The following EP300 variants were observed in gnomAD, a reference collection of about 807,000 sequenced individuals.
EP300 encodes the protein histone acetyltransferase p300.
EP300 carries 31 observed loss-of-function variants against 264.0 expected under a neutral mutation model. The observed-to-expected ratio is 0.12, with a 90% CI of 0.09 to 0.16. The LOEUF (loss-of-function observed/expected upper bound fraction) is 0.16. Among genes scored for constraint, EP300 ranks in the 10% least tolerant of loss-of-function variants. EP300 has a pLI of 1.00. For synonymous variants in EP300, 1,340 were observed against 1,045.4 expected (o/e 1.28, Z -5.44); for missense variants, 2,766 against 3,052.9 (o/e 0.91, Z 2.21).
Position 41,092,593 on chromosome 22 carries a change from A to G in EP300, c.-412A>G. The G allele has an allele frequency of 3.6e-6, 2 of 551,788 alleles. No homozygotes were observed. Among genetic ancestry groups the G allele is most frequent in the Non-Finnish European group, 6.6e-6 (2 of 301,766 alleles). The allele number at this position is 551,788 out of a possible 1,614,324, so 34.2% of individuals were successfully genotyped here. A position where few individuals can be genotyped will look rare whatever the true frequency, so the allele number is the denominator to read the frequency against. ...TCGCCCCCGCCTCCTTGTGGCGATG[A>G]GAAGGAGGAGGACAGCGCCGAGGAG... On this transcript the variant is annotated 5_prime_UTR_variant, in exon 1 of 31. Transcript: ENST00000263253.
chr22:41,137,416 A>AATGAAG (rs1176149182), intron 7 of EP300, among the ~76,000 whole-genome samples: 1 of 151,722 alleles, frequency 6.6e-6, no homozygotes, highest in African/African-American at 2.4e-5. Flanking sequence ...GTCTTATGAT[A>AATGAAG]TCTTGTGTTA....
At chr22:41,133,342 A>T (rs1381267812) in intron 6 of EP300, among the ~76,000 whole-genome samples, 1 of 151,770 alleles carries the variant, frequency 6.6e-6, no homozygotes, top group African/African-American at 2.4e-5. Context: ...TTTGGAACGA[A>T]GTTTTGCCAT....
chr22:41,178,092 T>A lies in EP300; in HGVS notation c.6381T>A (p.Asn2127Lys). ...CAGGTCAGCAGGGGGTCCACTCCAA[T>A]CCAGCCATGCAGAACATGAATCCAA... ...TMPGQQGVHS[N>K]PAMQNMNPMQ... Residue 2127 changes from asparagine to lysine, a missense_variant, in exon 31 of 31, where the codon AAT (asparagine) becomes AAA (lysine). By Grantham distance (94) the Asn-to-Lys change is moderately conservative. Coordinates refer to ENST00000263253, the MANE Select transcript of EP300 (RefSeq NM_001429.4). 1 of 1,613,778 alleles carries A rather than the reference T, an allele frequency of 6.2e-7. No homozygotes were observed. Among genetic ancestry groups the A allele is most frequent in the Non-Finnish European group, 8.5e-7 (1 of 1,179,914 alleles).
intron 7 of EP300, among the ~76,000 whole-genome samples, chr22:41,136,414 G>T (rs1257540683): frequency 6.6e-6 from 1 of 152,194 alleles, no homozygotes; most frequent in South Asian, 2.1e-4. Flanking sequence ...ATGTTGCAAG[G>T]TTACAGCTCC....
At position 41,150,408 on chromosome 22, in the gene EP300, C is replaced by G. The variant is rs142133368; in HGVS notation, c.2817+210C>G. Reference sequence around the variant, plus strand: ...GCAGGAGCATAAAGATTTTATTTAGCTCTGACTTTGACCATTATGTTTCAT... The same window carrying G: ...GCAGGAGCATAAAGATTTTATTTAGGTCTGACTTTGACCATTATGTTTCAT... On this transcript the variant is annotated intron_variant, in intron 14 of 30. Coordinates refer to ENST00000263253, the MANE Select transcript of EP300 (RefSeq NM_001429.4). Among the ~76,000 whole-genome samples, 19 of 152,242 alleles carry G rather than the reference C, an allele frequency of 1.2e-4. No homozygotes were observed. In the East Asian group the frequency reaches 3.5e-3, roughly 28 times the overall value.
In EP300 at chr22:41,129,998, A is replaced by G; in HGVS notation, c.1277A>G (p.Gln426Arg). Residue 426 changes from glutamine (Q) to arginine (R), a missense_variant, in exon 5 of 31, where the codon CAA becomes CGA. Gln to Arg is a conservative substitution (Grantham distance 43, BLOSUM62 1). Transcript: ENST00000263253. ...PLKNAGDKRN[Q>R]QPILTGAPVG... ...AAAAATGCTGGTGATAAGAGAAATC[A>G]ACAGCGTAAGTGATGAAATCTTTTG... 2 of 1,610,412 alleles carry G rather than the reference A, an allele frequency of 1.2e-6. No homozygotes were observed. The highest frequency in any genetic ancestry group is 4.5e-5 in the East Asian group (2 of 44,852).
chr22:41,106,873 G>T (rs532260265), intron 1 of EP300, among the ~76,000 whole-genome samples: 47 of 152,240 alleles, frequency 3.1e-4, no homozygotes, highest in African/African-American at 1.1e-3. Flanking sequence ...GATTACAGTT[G>T]TGAGCCACCT....
intron 13 of EP300, 148 bp from the exon 14 acceptor site, chr22:41,149,613 T>TA: frequency 1.2e-6 from 1 of 864,000 alleles, no homozygotes; most frequent in Non-Finnish European, 1.9e-6. Flanking sequence ...ACATGCCCAG[T>TA]AATAGGGTAT....
intron 1 of EP300, among the ~76,000 whole-genome samples, chr22:41,110,282 ATTTTTTTTTTTTTTTT>A (rs71200660): frequency 5.2e-4 from 25 of 48,224 alleles, no homozygotes; most frequent in African/African-American, 9.9e-4. Context: ...TATCCAGCTA[ATTTTTTTTTTTTTTTT>A]TTTTTTTTTT....
At chr22:41,155,470 G>A (rs2059071877) in intron 17 of EP300, among the ~76,000 whole-genome samples, 1 of 152,174 alleles carries the variant, frequency 6.6e-6, no homozygotes, top group Non-Finnish European at 1.5e-5. Flanking sequence ...CTGGACTCAA[G>A]CAATAGGCCC....
intron 1 of EP300, among the ~76,000 whole-genome samples, chr22:41,102,610 T>G (rs2058737664): frequency 6.6e-6 from 1 of 152,052 alleles, no homozygotes; most frequent in Non-Finnish European, 1.5e-5. Flanking sequence ...CTTTAGGCAG[T>G]TAAGTAAAAG....
chr22:41,103,702 T>C (rs1281781445), intron 1 of EP300, among the ~76,000 whole-genome samples: 6 of 152,180 alleles, frequency 3.9e-5, no homozygotes, highest in Admixed American at 2.6e-4. Context: ...TGGGAAAGGA[T>C]GTTGGGGTTC....
intron 26 of EP300, among the ~76,000 whole-genome samples, chr22:41,169,844 T>C (rs1311848746): frequency 6.6e-6 from 1 of 152,246 alleles, no homozygotes; most frequent in Non-Finnish European, 1.5e-5. Flanking sequence ...GTTTGTAAGC[T>C]AAGCCATTGG....
intron 8 of EP300, among the ~76,000 whole-genome samples, chr22:41,138,879 T>C (rs945047162): frequency 2.0e-5 from 3 of 152,218 alleles, no homozygotes; most frequent in Non-Finnish European, 4.4e-5. Flanking sequence ...ATTATATACG[T>C]TTCATTTAGG....
chr22:41,102,707 C>T (rs1291095845), intron 1 of EP300, among the ~76,000 whole-genome samples: 1 of 152,114 alleles, frequency 6.6e-6, no homozygotes, highest in Non-Finnish European at 1.5e-5. Context: ...ACCCTTACCA[C>T]AGAAGATGGA....
At chr22:41,175,606 G>A (rs2059196062) in intron 29 of EP300, among the ~76,000 whole-genome samples, 1 of 152,112 alleles carries the variant, frequency 6.6e-6, no homozygotes, top group South Asian at 2.1e-4. Flanking sequence ...AGTTGCATAG[G>A]GGACCTTCAT....
At chr22:41,102,581 T>G (rs143727160) in intron 1 of EP300, among the ~76,000 whole-genome samples, 19 of 152,232 alleles carry the variant, frequency 1.2e-4, no homozygotes, top group African/African-American at 4.3e-4. Context: ...ACCCATTTAA[T>G]GGATGGGGCA....
At chr22:41,143,824 G>A (rs185157367) in intron 10 of EP300, among the ~76,000 whole-genome samples, 10 of 152,206 alleles carry the variant, frequency 6.6e-5, no homozygotes, top group African/African-American at 1.9e-4. Context: ...AGTGATCCGC[G>A]TACCTTGGTC....
At chr22:41,106,628 GTTTT>G (rs2058759438) in intron 1 of EP300, among the ~76,000 whole-genome samples, 1 of 152,146 alleles carries the variant, frequency 6.6e-6, no homozygotes, top group Non-Finnish European at 1.5e-5. Flanking sequence ...AACATTAAGT[GTTTT>G]TTGTTGTTTG....
Sources: allele counts gnomAD v4.1 joint callset (sites outside exome capture counted in the v4.1 genomes callset), GRCh38; gene constraint gnomAD v4.1.1; transcripts MANE v1.5; gene names NCBI Gene and HGNC (gene_info 2026-07-23, HGNC 2026-07-21).